KHDRBS2: variants seen among roughly 807,000 people sequenced by gnomAD.
KHDRBS2 encodes KH domain-containing, RNA-binding, signal transduction-associated protein 2.
Under a neutral mutation model 44.3 loss-of-function variants are expected in KHDRBS2, and 26 were observed. That is an observed-to-expected ratio of 0.59 (90% CI 0.43 to 0.81). The LOEUF (loss-of-function observed/expected upper bound fraction) is 0.81. Among genes scored for constraint, KHDRBS2 ranks in the 40% least tolerant of loss-of-function variants. KHDRBS2 has a pLI of 0.00. For synonymous variants in KHDRBS2, 194 were observed against 151.1 expected (o/e 1.28, Z -2.08); for missense variants, 476 against 433.1 (o/e 1.10, Z -0.88).
intron 7 of KHDRBS2, among the ~76,000 whole-genome samples, chr6:61,722,650 A>G (rs1772841397): frequency 6.6e-6 from 1 of 152,028 alleles, no homozygotes; most frequent in South Asian, 2.1e-4. Context: ...TTAGACTGTG[A>G]CAGTGCTCAT....
chr6:61,929,942 T>C (rs543483955), intron 4 of KHDRBS2, among the ~76,000 whole-genome samples: 190 of 152,280 alleles, frequency 1.2e-3, no homozygotes, highest in African/African-American at 4.4e-3. Context: ...GGTCTGAATG[T>C]GCCTGCCAAA....
chr6:61,765,994 A>C (rs1255920828), intron 6 of KHDRBS2, among the ~76,000 whole-genome samples: 1 of 152,034 alleles, frequency 6.6e-6, no homozygotes, highest in African/African-American at 2.4e-5. Flanking sequence ...TACTTGCCTC[A>C]TAGGATGAAT....
At chr6:62,191,305 A>G (rs761489471) in intron 1 of KHDRBS2, among the ~76,000 whole-genome samples, 13 of 152,084 alleles carry the variant, frequency 8.5e-5, no homozygotes, top group Non-Finnish European at 1.6e-4. Context: ...ATCCTCATAC[A>G]TACTCTGAGC....
At chr6:62,100,615 ATCAAG>A (rs1801642189) in intron 2 of KHDRBS2, among the ~76,000 whole-genome samples, 1 of 152,222 alleles carries the variant, frequency 6.6e-6, no homozygotes, top group Non-Finnish European at 1.5e-5. Context: ...AGCCATCAAG[ATCAAG>A]TCAAGACCCT....
At chr6:61,583,581 T>C in the KHDRBS2 span, among the ~76,000 whole-genome samples, 1 of 151,810 alleles carries the variant, frequency 6.6e-6, no homozygotes, top group Non-Finnish European at 1.5e-5. Flanking sequence ...GCCTATTTGT[T>C]CATCCTTTGC....
chr6:61,670,628 G>A, the KHDRBS2 span, among the ~76,000 whole-genome samples: 1 of 151,248 alleles, frequency 6.6e-6, no homozygotes, highest in African/African-American at 2.4e-5. Context: ...TTTATTTAAT[G>A]GTCTTTGTAA....
At chr6:61,771,969 G>T (rs1331494396) in intron 6 of KHDRBS2, among the ~76,000 whole-genome samples, 4 of 152,148 alleles carry the variant, frequency 2.6e-5, no homozygotes, top group Admixed American at 1.3e-4. Context: ...TAAAAGAAAA[G>T]AAATTATAAC....
intron 6 of KHDRBS2, among the ~76,000 whole-genome samples, chr6:61,878,954 G>A (rs1340380618): frequency 2.0e-5 from 3 of 151,880 alleles, no homozygotes; most frequent in Non-Finnish European, 4.4e-5. Flanking sequence ...TATATTAGTT[G>A]CTTCTATTAT....
intron 4 of KHDRBS2, among the ~76,000 whole-genome samples, chr6:61,951,559 T>C (rs1764743829): frequency 6.6e-6 from 1 of 152,068 alleles, no homozygotes; most frequent in African/African-American, 2.4e-5. Context: ...AAGGCATTTG[T>C]ATAACACCTT....
Position 61,921,406 on chromosome 6 carries a change from T to C in KHDRBS2, c.484-20035A>G, listed in dbSNP as rs544129963. On this transcript the variant is annotated intron_variant, in intron 4 of 8. Coordinates refer to ENST00000281156, the MANE Select transcript of KHDRBS2 (RefSeq NM_152688.4). Reference sequence around the variant, plus strand: ...GCACACGTTAAAGCAGCCCTCTTTATTGATATTTTTTCAATATGTGGGTGA... The same window carrying C: ...GCACACGTTAAAGCAGCCCTCTTTACTGATATTTTTTCAATATGTGGGTGA... Among the ~76,000 whole-genome samples the C allele has an allele frequency of 2.0e-4, 31 of 152,126 alleles. 1 individual carries two copies. In the South Asian group the frequency reaches 5.6e-3, roughly 27 times the overall value.
At chr6:61,898,747 A>C (rs901099104) in intron 5 of KHDRBS2, among the ~76,000 whole-genome samples, 5 of 151,974 alleles carry the variant, frequency 3.3e-5, no homozygotes, top group African/African-American at 1.2e-4. Flanking sequence ...AAAAGGGTTC[A>C]ATCGATAAGA....
At chr6:62,245,777 A>C (rs1246389238) in intron 1 of KHDRBS2, among the ~76,000 whole-genome samples, 1 of 152,022 alleles carries the variant, frequency 6.6e-6, no homozygotes, top group African/African-American at 2.4e-5. Context: ...TGTTTCAATA[A>C]ATCTTTATTA....
intron 6 of KHDRBS2, among the ~76,000 whole-genome samples, chr6:61,754,067 A>C (rs1778127545): frequency 6.6e-6 from 1 of 152,094 alleles, no homozygotes; most frequent in East Asian, 1.9e-4. Flanking sequence ...TGACACCTTT[A>C]TTTTGGACTT....
intron 2 of KHDRBS2, among the ~76,000 whole-genome samples, chr6:62,117,388 T>C (rs565794798): frequency 6.6e-6 from 1 of 152,324 alleles, no homozygotes; most frequent in Non-Finnish European, 1.5e-5. Context: ...CTGTTGACCA[T>C]TTGGATATCT....
rs532420219 is a variant in KHDRBS2, at chr6:61,713,368, A to G, written c.894-16115T>C. ...TAAATAATATCTGTATCTTCTTTTG[A>G]CTCTATCCTATATTTTTCCCAGATA... On this transcript the variant is annotated intron_variant, in intron 7 of 8. Transcript: ENST00000281156. Among the ~76,000 whole-genome samples, 10 of 150,984 alleles carry G rather than the reference A, an allele frequency of 6.6e-5. No homozygotes were observed. In the South Asian group the frequency reaches 1.0e-3, roughly 16 times the overall value.
chr6:62,187,676 T>C (rs1823722501), intron 1 of KHDRBS2, among the ~76,000 whole-genome samples: 1 of 152,080 alleles, frequency 6.6e-6, no homozygotes, highest in African/African-American at 2.4e-5. Flanking sequence ...TTCTTTTGTG[T>C]GTGTGCTATG....
intron 4 of KHDRBS2, among the ~76,000 whole-genome samples, chr6:61,965,451 G>T (rs551145042): frequency 1.3e-5 from 2 of 152,094 alleles, no homozygotes; most frequent in African/African-American, 4.8e-5. Flanking sequence ...TAGTTTTCGG[G>T]TTAACATTAT....
chr6:61,960,738 T>C (rs1186370132), intron 4 of KHDRBS2, among the ~76,000 whole-genome samples: 4 of 152,152 alleles, frequency 2.6e-5, no homozygotes, highest in African/African-American at 9.7e-5. Context: ...TTTCTTCCTA[T>C]ACATAAATTT....
At chr6:62,016,420 G>C (rs911592084) in intron 3 of KHDRBS2, among the ~76,000 whole-genome samples, 2 of 151,398 alleles carry the variant, frequency 1.3e-5, no homozygotes, top group African/African-American at 2.4e-5. Flanking sequence ...TGTTGACTTT[G>C]ATAAAAGTTT....
Sources: gnomAD v4.1 joint callset for allele counts (sites outside exome capture counted in the v4.1 genomes callset) on GRCh38, gnomAD v4.1.1 for gene constraint, MANE v1.5 for transcripts, NCBI Gene and HGNC (gene_info 2026-07-23, HGNC 2026-07-21) for gene names.